Variants in TERF1 observed in about 807,000 individuals in gnomAD.
The protein encoded by TERF1 is telomeric repeat-binding factor 1.
A neutral mutation model predicts 55.1 loss-of-function variants in TERF1; 20 were observed. That is an observed-to-expected ratio of 0.36 (90% CI 0.26 to 0.53). The LOEUF (loss-of-function observed/expected upper bound fraction) is 0.53, where lower values mean the gene tolerates loss of function less well. TERF1 is among the 20% of genes least tolerant of loss of function. TERF1 has a pLI of 0.91. For synonymous variants in TERF1, 168 were observed against 181.2 expected, an observed-to-expected ratio of 0.93 and a Z score of 0.59; for missense variants, 439 against 535.7, an observed-to-expected ratio of 0.82 and a Z score of 1.78.
At position 73,047,769 on chromosome 8, in the gene TERF1, C is replaced by T. The variant is rs1810103129; in HGVS notation, c.*1632C>T. On this transcript the variant is annotated 3_prime_UTR_variant, in exon 10 of 10. Transcript: ENST00000276603. ...ACCATATACTTCCTGACTCCTTTAT[C>T]TTGTTACACCACAAGATACTGCACT... 1 of 152,162 alleles carries T rather than the reference C, an allele frequency of 6.6e-6. No individual in the cohort carries two copies. Among genetic ancestry groups the T allele is most frequent in the Admixed American group, 6.5e-5 (1 of 15,274 alleles). The allele number at this position is 152,162 out of a possible 1,614,324, so 9.4% of individuals were successfully genotyped here.
At chr8:73,041,088 A>G (rs1407244728) in intron 9 of TERF1, among the ~76,000 whole-genome samples, 1 of 152,150 alleles carries the variant, frequency 6.6e-6, no homozygotes, top group Non-Finnish European at 1.5e-5. Context: ...TCTGTGCCAT[A>G]TCTTGAGTGT....
At chr8:73,028,793 T>A (rs1003587121) in intron 6 of TERF1, among the ~76,000 whole-genome samples, 1 of 152,294 alleles carries the variant, frequency 6.6e-6, no homozygotes, top group South Asian at 2.1e-4. Context: ...GAGTTGTTAC[T>A]TCTGTGCTTT....
chr8:73,027,820 C>T (rs1809082035), intron 6 of TERF1, among the ~76,000 whole-genome samples: 1 of 152,028 alleles, frequency 6.6e-6, no homozygotes, highest in Non-Finnish European at 1.5e-5. Context: ...GCAGGGACCC[C>T]ATCTTAACTA....
chr8:73,015,742 G>A (rs1395993144), intron 2 of TERF1, among the ~76,000 whole-genome samples: 11 of 152,100 alleles, frequency 7.2e-5, no homozygotes, highest in Non-Finnish European at 8.8e-5. Context: ...AGGTAGGATC[G>A]TTTGAGCCCA....
At chr8:73,042,374 T>G (rs1276657293) in intron 9 of TERF1, among the ~76,000 whole-genome samples, 1 of 152,198 alleles carries the variant, frequency 6.6e-6, no homozygotes, top group African/African-American at 2.4e-5. Context: ...CCTGGTTTTA[T>G]TTTTTAGCTT....
At chr8:73,025,616 G>A (rs972587923) in intron 5 of TERF1, among the ~76,000 whole-genome samples, 13 of 152,046 alleles carry the variant, frequency 8.6e-5, no homozygotes, top group African/African-American at 3.1e-4. Flanking sequence ...AATTAGCTGG[G>A]TGTGGTGGCA....
intron 9 of TERF1, among the ~76,000 whole-genome samples, chr8:73,040,001 C>CTTTTT (rs33975806): frequency 8.7e-6 from 1 of 114,350 alleles, no homozygotes; most frequent in African/African-American, 3.3e-5. Flanking sequence ...TCGAAGGTGC[C>CTTTTT]TTTTTTTTTT....
Position 73,042,372 on chromosome 8 carries a change from T to C in TERF1, c.1143+3153T>C, listed in dbSNP as rs1369677180. 4.6e-5 allele frequency among the ~76,000 whole-genome samples: 7 copies of C among 152,236 alleles called. No individual in the cohort carries two copies. The South Asian group carries it at 1.4e-3, about 31-fold the overall frequency. ...TGTGGATATCACAAGGGCCTGGTTT[T>C]ATTTTTTAGCTTTCCGTTGTTGGCC... On this transcript the variant is annotated intron_variant, in intron 9 of 9. Transcript: ENST00000276603.
intron 5 of TERF1, among the ~76,000 whole-genome samples, chr8:73,025,906 C>T (rs1808966954): frequency 7.1e-6 from 1 of 141,652 alleles, no homozygotes; most frequent in Non-Finnish European, 1.5e-5. Context: ...AAAAAAAAGA[C>T]ATTTCTGGTC....
chr8:73,032,583 A>ATG (rs1809333507), intron 8 of TERF1, among the ~76,000 whole-genome samples: 2 of 151,846 alleles, frequency 1.3e-5, no homozygotes, highest in Non-Finnish European at 2.9e-5. Context: ...ATGAATATAT[A>ATG]TATATATATG....
chr8:73,025,313 G>T (rs1808932393), intron 5 of TERF1, among the ~76,000 whole-genome samples: 1 of 152,128 alleles, frequency 6.6e-6, no homozygotes, highest in Admixed American at 6.5e-5. Context: ...AAATAGAATT[G>T]TATTAAAGAA....
At chr8:73,012,967 A>G in intron 1 of TERF1, 1 of 455,814 alleles carries the variant, frequency 2.2e-6, no homozygotes, top group Non-Finnish European at 4.4e-6. Flanking sequence ...AATTCTATAT[A>G]AATTTTGTGC....
At chr8:73,032,455 T>G (rs1388873641) in intron 8 of TERF1, among the ~76,000 whole-genome samples, 22 of 152,132 alleles carry the variant, frequency 1.4e-4, no homozygotes, top group Non-Finnish European at 2.9e-4. Context: ...GGTCCTGTAA[T>G]AATGTAATGG....
intron 8 of TERF1, among the ~76,000 whole-genome samples, chr8:73,037,695 A>G (rs1809613415): frequency 4.6e-5 from 2 of 43,888 alleles, no homozygotes; most frequent in South Asian, 4.7e-4. Context: ...TATATTATAT[A>G]GTATAATATT....
At chr8:73,027,854 G>T (rs1211448232) in intron 6 of TERF1, among the ~76,000 whole-genome samples, 1 of 138,390 alleles carries the variant, frequency 7.2e-6, no homozygotes, top group African/African-American at 2.7e-5. Flanking sequence ...GGAGATTGGG[G>T]TTCAAGTTGG....
chr8:73,036,898 C>A (rs1180989171), intron 8 of TERF1, among the ~76,000 whole-genome samples: 1 of 135,512 alleles, frequency 7.4e-6, no homozygotes, highest in Non-Finnish European at 1.6e-5. Context: ...GTTTAATTTC[C>A]AAATATCTTT....
At chr8:73,021,999 A>G (rs370648005) in intron 3 of TERF1, among the ~76,000 whole-genome samples, 2 of 152,354 alleles carry the variant, frequency 1.3e-5, no homozygotes, top group Non-Finnish European at 1.5e-5. Context: ...TTATGAATAA[A>G]TGTGCATGGG....
intron 5 of TERF1, 73 bp downstream of exon 5, chr8:73,025,044 T>C (rs1344377353): frequency 1.1e-6 from 1 of 939,954 alleles, no homozygotes; most frequent in East Asian, 2.8e-5. Context: ...ATACTTGAAA[T>C]AGAAATCCTT....
intron 2 of TERF1, among the ~76,000 whole-genome samples, chr8:73,014,652 G>A (rs1408174503): frequency 6.6e-6 from 1 of 152,160 alleles, no homozygotes; most frequent in African/African-American, 2.4e-5. Flanking sequence ...TATTTAGATT[G>A]GTTTTTATAA....
Sources: allele counts gnomAD v4.1 joint callset (sites outside exome capture counted in the v4.1 genomes callset), GRCh38; gene constraint gnomAD v4.1.1; transcripts MANE v1.5; gene names NCBI Gene and HGNC (gene_info 2026-07-23, HGNC 2026-07-21).